The following PDLIM2 variants were observed in gnomAD, a reference collection of about 807,000 sequenced individuals.
PDLIM2 encodes the protein PDZ and LIM domain 2, also known as PDZ and LIM domain protein 2.
PDLIM2 carries 51 observed loss-of-function variants against 54.1 expected under a neutral mutation model. That is an observed-to-expected ratio of 0.94 (90% CI 0.75 to 1.19). The LOEUF is 1.19. Ranked by LOEUF, PDLIM2 falls within the 50% of genes most tolerant of loss-of-function variation. The pLI is 0.00. For synonymous variants in PDLIM2, 398 were observed against 385.6 expected (o/e 1.03, Z -0.38); for missense variants, 912 against 874.0 (o/e 1.04, Z -0.55).
intron 6 of PDLIM2, among the ~76,000 whole-genome samples, chr8:22,587,288 C>T (rs1332049924): frequency 2.6e-5 from 4 of 152,074 alleles, no homozygotes. Context: ...GCCCCAGCTA[C>T]TCCGGAGGCT....
rs370153004 is a variant in PDLIM2, at chr8:22,582,664, C to T, written c.995+1134C>T. Among the ~76,000 whole-genome samples, 15 of 151,314 alleles carry T rather than the reference C, an allele frequency of 9.9e-5. No individual in the cohort carries two copies. The East Asian group carries it at 2.9e-3, about 29-fold the overall frequency. On this transcript the variant is annotated intron_variant, in intron 3 of 9. Coordinates refer to ENST00000308354, the Ensembl canonical transcript of PDLIM2. ...TAGCGTGATCTCGGCTCACTGCCAC[C>T]TCTGCCTCCCGGGTTCAAGAGAGTC...
At chr8:22,591,735 G>T in intron 9 of PDLIM2, 67 bp downstream of exon 8, 1 of 1,433,906 alleles carries the variant, frequency 7.0e-7, no homozygotes, top group Middle Eastern at 2.4e-4. Context: ...CAGGGCACTG[G>T]ATGCTTTCAG....
intron 3 of PDLIM2, among the ~76,000 whole-genome samples, chr8:22,584,322 T>C (rs1800305176): frequency 6.6e-6 from 1 of 152,042 alleles, no homozygotes; most frequent in Non-Finnish European, 1.5e-5. Context: ...CCTTGGTGTT[T>C]TTTTGAGACA....
intron 9 of PDLIM2, chr8:22,593,510 G>C (rs147177867): frequency 4.2e-4 from 221 of 521,116 alleles, no homozygotes; most frequent in African/African-American, 4.0e-3. Context: ...CCGGAAGGTA[G>C]AGATTGCTGT....
chr8:22,589,319 G>A, exon 7 of PDLIM2: 2 of 1,534,240 alleles, frequency 1.3e-6, no homozygotes, highest in Non-Finnish European at 1.7e-6. Flanking sequence ...CCGCGCTGGC[G>A]ACTCGGCGGT....
chr8:22,584,922 C>T (rs756363548), intron 4 of PDLIM2, 32 bp downstream of exon 3: 3 of 1,613,986 alleles, frequency 1.9e-6, no homozygotes, highest in East Asian at 2.2e-5. Context: ...ACAGCCTCAG[C>T]ACCCTGATCA....
chr8:22,592,365 G>GC (rs910984107), intron 9 of PDLIM2: 1 of 152,026 alleles, frequency 6.6e-6, no homozygotes, highest in African/African-American at 2.4e-5. Flanking sequence ...TACAGCGTGA[G>GC]CCACCATGCC....
At chr8:22,591,993 C>T (rs1480188970) in intron 9 of PDLIM2, 1 of 212,854 alleles carries the variant, frequency 4.7e-6, no homozygotes, top group African/African-American at 2.3e-5. Context: ...GCTCTTTCCC[C>T]TTCTTCCCCC....
At chr8:22,579,265 C>T (rs1364307240) in exon 1 of PDLIM2, 2 of 1,361,826 alleles carry the variant, frequency 1.5e-6, no homozygotes, top group Non-Finnish European at 1.9e-6. Flanking sequence ...GGCCCGCCCT[C>T]CCCGGCGCCG....
At chr8:22,591,925 C>A (rs766191823) in intron 9 of PDLIM2, 23 of 389,258 alleles carry the variant, frequency 5.9e-5, no homozygotes, top group Non-Finnish European at 9.2e-5. Flanking sequence ...TCTCTTTGAT[C>A]ATTTCAAAGC....
intron 6 of PDLIM2, 172 bp from the exon 6 acceptor site, chr8:22,589,125 AG>A: frequency 1.9e-6 from 1 of 527,832 alleles, no homozygotes; most frequent in Non-Finnish European, 3.4e-6. Flanking sequence ...CTGGTCGGCG[AG>A]GGCTGGGAGC....
chr8:22,588,753 T>G (rs73672764), intron 6 of PDLIM2: 1 of 166,140 alleles, frequency 6.0e-6, no homozygotes. Flanking sequence ...GACAGGCTGG[T>G]TAGCCCAGAC....
chr8:22,585,542 C>T (rs1800349668), intron 6 of PDLIM2, 143 bp downstream of exon 5: 8 of 769,020 alleles, frequency 1.0e-5, no homozygotes, highest in African/African-American at 1.9e-5. Flanking sequence ...ATGCTCTGCT[C>T]CTGAGCCAGG....
At chr8:22,589,427 C>A in intron 7 of PDLIM2, 53 bp downstream of exon 6, 1 of 1,530,734 alleles carries the variant, frequency 6.5e-7, no homozygotes, top group South Asian at 1.2e-5. Flanking sequence ...CTGGGAGGGG[C>A]AGGAGGGAGA....
intron 6 of PDLIM2, among the ~76,000 whole-genome samples, chr8:22,587,558 C>G (rs181633423): frequency 6.6e-6 from 1 of 152,108 alleles, no homozygotes; most frequent in African/African-American, 2.4e-5. Context: ...GCACACATTT[C>G]GAGAGGTGTT....
chr8:22,586,679 G>C (rs1436363249), intron 6 of PDLIM2, among the ~76,000 whole-genome samples: 1 of 152,126 alleles, frequency 6.6e-6, no homozygotes, highest in Non-Finnish European at 1.5e-5. Flanking sequence ...GTCAGTCCTG[G>C]CTCTGTTCCG....
intron 2 of PDLIM2, 22 bp downstream of exon 1, chr8:22,580,719 G>A: frequency 6.2e-7 from 1 of 1,611,694 alleles, no homozygotes. Context: ...GGCTCAAAGA[G>A]ATGAGAAGGT....
At chr8:22,585,572 T>C (rs1800350648) in intron 6 of PDLIM2, 173 bp downstream of exon 5, 1 of 364,990 alleles carries the variant, frequency 2.7e-6, no homozygotes, top group Non-Finnish European at 4.4e-6. Flanking sequence ...CTTCTGGTCG[T>C]GGGCCACCTG....
At chr8:22,589,552 C>T (rs750272306) in intron 7 of PDLIM2, 44 bp from the exon 7 acceptor site, 16 of 1,578,688 alleles carry the variant, frequency 1.0e-5, no homozygotes, top group East Asian at 2.3e-5. Context: ...CTTGCCTAAG[C>T]TCCGGCACGG....
Sources: gnomAD v4.1 joint callset for allele counts (sites outside exome capture counted in the v4.1 genomes callset) on GRCh38, gnomAD v4.1.1 for gene constraint, MANE v1.5 for transcripts, NCBI Gene and HGNC (gene_info 2026-07-23, HGNC 2026-07-21) for gene names.